MAN1C1: variants seen among roughly 807,000 people sequenced by gnomAD.
MAN1C1 encodes mannosidase alpha class 1C member 1.
Under a neutral mutation model 71.5 loss-of-function variants are expected in MAN1C1, and 49 were observed. That is an observed-to-expected ratio of 0.69 (90% CI 0.54 to 0.87). The LOEUF (loss-of-function observed/expected upper bound fraction) is 0.87, where lower values mean the gene tolerates loss of function less well. Among genes scored for constraint, MAN1C1 ranks in the 40% least tolerant of loss-of-function variants. The probability of loss-of-function intolerance (pLI) is 0.00; values close to 1 mark genes in which losing one functional copy is unlikely to be tolerated. For missense variants in MAN1C1, 743 were observed against 835.0 expected, an observed-to-expected ratio of 0.89 and a Z score of 1.36; for synonymous variants, 352 against 343.7, an observed-to-expected ratio of 1.02 and a Z score of -0.27.
Position 25,753,976 on chromosome 1 carries a change from C to A in MAN1C1, c.929+398C>A, listed in dbSNP as rs2047251552. ...CACAATGGCCCCAAACACTCTCTTC[C>A]CCCGCTGGGGTTCCGGAGCCAGCAG... is the stretch of plus-strand genomic sequence containing the variant. On this transcript the variant is annotated intron_variant, in intron 5 of 11. Transcript: ENST00000374332. The surrounding 1 kb of genome is among the most constrained non-coding windows in gnomAD (Gnocchi z 4.9). Among the ~76,000 whole-genome samples the A allele has an allele frequency of 6.6e-6, 1 of 152,146 alleles. No homozygotes were observed. Among genetic ancestry groups the A allele is most frequent in the East Asian group, 1.9e-4 (1 of 5,194 alleles).
intron 7 of MAN1C1, among the ~76,000 whole-genome samples, chr1:25,768,569 C>T (rs1400377113): frequency 2.5e-4 from 10 of 40,272 alleles, no homozygotes; most frequent in Admixed American, 6.7e-4. Flanking sequence ...ACATACACTC[C>T]CCCCACACAC....
intron 1 of MAN1C1, among the ~76,000 whole-genome samples, chr1:25,632,244 G>C (rs1256684871): frequency 6.6e-6 from 1 of 152,154 alleles, no homozygotes; most frequent in African/African-American, 2.4e-5. Flanking sequence ...AGGGTTGTAT[G>C]TTTCCAGGAA....
Position 25,753,427 on chromosome 1 carries a change from G to A in MAN1C1, c.835-57G>A. On this transcript the variant is annotated intron_variant, in intron 4 of 11. Coordinates refer to ENST00000374332, the MANE Select transcript of MAN1C1 (RefSeq NM_020379.4). The surrounding 1 kb of genome is among the most constrained non-coding windows in gnomAD (Gnocchi z 4.9). Reference sequence around the variant, plus strand: ...TCATCCTGCCTGCAGCAGTTCTGGGGTTGACCTTCCCTCACCCAGCCTGGA... The same window carrying A: ...TCATCCTGCCTGCAGCAGTTCTGGGATTGACCTTCCCTCACCCAGCCTGGA... 7.2e-7 allele frequency: 1 copy of A among 1,395,612 alleles called. No homozygotes were observed. Among genetic ancestry groups the A allele is most frequent in the Non-Finnish European group, 1.0e-6 (1 of 1,001,782 alleles). The allele number at this position is 1,395,612 out of a possible 1,614,324, so 86.5% of individuals were successfully genotyped here.
intron 1 of MAN1C1, chr1:25,658,924 A>G (rs182956036): frequency 2.0e-5 from 3 of 152,644 alleles, no homozygotes; most frequent in Admixed American, 6.5e-5. Flanking sequence ...TGTTGCCTGC[A>G]GTCTGCATTT....
At chr1:25,722,581 CT>C (rs1408303025) in intron 2 of MAN1C1, among the ~76,000 whole-genome samples, 2 of 152,142 alleles carry the variant, frequency 1.3e-5, no homozygotes, top group African/African-American at 2.4e-5. Context: ...TGTGAATGTT[CT>C]TTTGTTGAGC....
At chr1:25,750,100 C>T (rs955251792) in intron 4 of MAN1C1, among the ~76,000 whole-genome samples, 4 of 152,216 alleles carry the variant, frequency 2.6e-5, no homozygotes, top group African/African-American at 7.2e-5. Flanking sequence ...CTTGTCCCAC[C>T]CTGGGCCTCG....
intron 1 of MAN1C1, chr1:25,645,901 A>G (rs1476735809): frequency 1.3e-5 from 2 of 152,140 alleles, no homozygotes; most frequent in Non-Finnish European, 2.9e-5. Context: ...TCGATGCCAC[A>G]GCAGTCCCTG....
intron 2 of MAN1C1, among the ~76,000 whole-genome samples, chr1:25,744,792 ACT>A (rs2047106218): frequency 6.6e-6 from 1 of 152,184 alleles, no homozygotes; most frequent in African/African-American, 2.4e-5. Flanking sequence ...TTAGAGGCTA[ACT>A]CTGAATTCAG....
chr1:25,746,525 G>T lies in MAN1C1; in HGVS notation c.638-143G>T. ...GGCGTCACCTTCGATGGTGGCACTG[G>T]AGTCCCCCGGATGGTGCCTGAGGCC... On this transcript the variant is annotated intron_variant, in intron 2 of 11. Coordinates refer to ENST00000374332, the MANE Select transcript of MAN1C1 (RefSeq NM_020379.4). The surrounding 1 kb of genome is among the most constrained non-coding windows in gnomAD (Gnocchi z 4.0). The T allele has an allele frequency of 1.4e-6, 1 of 695,472 alleles. No individual in the cohort carries two copies. Among genetic ancestry groups the T allele is most frequent in the Admixed American group, 2.2e-5 (1 of 45,784 alleles). 43.1% of individuals were successfully genotyped at this position (695,472 alleles called of 1,614,324 possible). A position where few individuals can be genotyped will look rare whatever the true frequency, so the allele number is the denominator to read the frequency against.
chr1:25,682,653 G>A (rs1312800694), intron 1 of MAN1C1, among the ~76,000 whole-genome samples: 1 of 152,154 alleles, frequency 6.6e-6, no homozygotes, highest in Non-Finnish European at 1.5e-5. Context: ...AGGGAAAACA[G>A]ATTTCAATTG....
At position 25,782,665 on chromosome 1, in the gene MAN1C1, C is replaced by T. The variant is rs1557807087; in HGVS notation, c.1731C>T (p.Asn577=). 2 of 1,614,114 alleles carry T rather than the reference C, an allele frequency of 1.2e-6. No individual in the cohort carries two copies. The highest frequency in any genetic ancestry group is 1.7e-6 in the Non-Finnish European group (2 of 1,180,000). ...ACAGTAGCACCCCCAACCACGACAACAAGCAGCAGAGCTTCTTTCTAGCGG... is the reference window on the plus strand; with the variant it reads ...ACAGTAGCACCCCCAACCACGACAATAAGCAGCAGAGCTTCTTTCTAGCGG... ...DVYSSTPNHD[N]KQQSFFLAET... The change falls in exon 11 of 12, where the codon AAC becomes AAT. Residue 577 remains asparagine, a synonymous_variant. Transcript: ENST00000374332. The surrounding 1 kb of genome is among the most constrained non-coding windows in gnomAD (Gnocchi z 4.4).
chr1:25,740,008 C>T (rs535770315), intron 2 of MAN1C1, among the ~76,000 whole-genome samples: 38 of 152,244 alleles, frequency 2.5e-4, no homozygotes, highest in African/African-American at 7.5e-4. Context: ...TACGGGCCCC[C>T]GTGGGGGCTG....
intron 1 of MAN1C1, among the ~76,000 whole-genome samples, chr1:25,630,208 T>A (rs2045358229): frequency 1.3e-5 from 2 of 152,172 alleles, no homozygotes; most frequent in African/African-American, 4.8e-5. Flanking sequence ...CCGTTGGTTG[T>A]AAATATTTGG....
intron 2 of MAN1C1, among the ~76,000 whole-genome samples, chr1:25,741,134 TGCATGCA>T (rs2047058453): frequency 1.3e-5 from 2 of 151,770 alleles, no homozygotes; most frequent in South Asian, 4.2e-4. Context: ...AGTGGAGACA[TGCATGCA>T]GAGTTGGATA....
Position 25,643,230 on chromosome 1 carries a change from TTTAATTAA to T in MAN1C1, c.540+24912_540+24919del, listed in dbSNP as rs71577785. 1.5e-3 allele frequency among the ~76,000 whole-genome samples: 183 copies of T among 124,994 alleles called. 1 individual carries two copies. Among genetic ancestry groups the T allele is most frequent in the African/African-American group, 6.7e-3 (174 of 26,136 alleles). 82.0% of individuals were successfully genotyped at this position (124,994 alleles called of 152,430 possible). A position where few individuals can be genotyped will look rare whatever the true frequency, so the allele number is the denominator to read the frequency against. ...CTGCAGTCCTTAGTCCTACCTCCCT[TTTAATTAA>T]TTAATTAATTAATTAATTTATTTAC... On this transcript the variant is annotated intron_variant, in intron 1 of 11. Transcript: ENST00000374332.
intron 1 of MAN1C1, among the ~76,000 whole-genome samples, chr1:25,683,389 C>T (rs1221538424): frequency 6.6e-6 from 1 of 152,210 alleles, no homozygotes; most frequent in African/African-American, 2.4e-5. Context: ...TTGAGTCTTC[C>T]AGCCACGTGT....
chr1:25,754,560 G>A (rs807262), intron 5 of MAN1C1, among the ~76,000 whole-genome samples: 95,739 of 151,776 alleles, frequency 0.63, 31,263 homozygotes, highest in Middle Eastern at 0.84. Context: ...TCGGGGGCCG[G>A]AGAAATCCCA....
At chr1:25,647,396 G>A (rs1255550385) in intron 1 of MAN1C1, among the ~76,000 whole-genome samples, 5 of 152,202 alleles carry the variant, frequency 3.3e-5, no homozygotes, top group East Asian at 1.9e-4. Flanking sequence ...GTGTGGGCTC[G>A]CCCAGGGAAG....
chr1:25,641,856 G>A (rs2045542393), intron 1 of MAN1C1, among the ~76,000 whole-genome samples: 1 of 152,194 alleles, frequency 6.6e-6, no homozygotes, highest in Admixed American at 6.5e-5. Context: ...CTGTTTACAT[G>A]ATACGGATAA....
Sources: allele counts gnomAD v4.1 joint callset (sites outside exome capture counted in the v4.1 genomes callset), GRCh38; gene constraint gnomAD v4.1.1; non-coding constraint Gnocchi (gnomAD v3.1); transcripts MANE v1.5; gene names NCBI Gene and HGNC (gene_info 2026-07-23, HGNC 2026-07-21).